The following CXADR variants were observed in gnomAD, a reference collection of about 807,000 sequenced individuals.
The protein encoded by CXADR is CXADR cell adhesion molecule.
A neutral mutation model predicts 40.3 loss-of-function variants in CXADR; 20 were observed. That is an observed-to-expected ratio of 0.50 (90% confidence interval 0.35 to 0.72). CXADR has a LOEUF of 0.72. CXADR is among the 30% of genes least tolerant of loss of function. The probability of loss-of-function intolerance (pLI) is 0.01; values close to 1 mark genes in which losing one functional copy is unlikely to be tolerated. For missense variants in CXADR, 332 were observed against 449.1 expected (o/e 0.74, Z 2.36); for synonymous variants, 150 against 161.3 (o/e 0.93, Z 0.53).
At position 17,563,381 on chromosome 21, in the gene CXADR, C is replaced by G. The variant is rs193044346; in HGVS notation, c.833+1905C>G. On this transcript the variant is annotated intron_variant, in intron 6 of 6. Coordinates refer to ENST00000284878, the MANE Select transcript of CXADR (RefSeq NM_001338.5). ...TTATTAAGTGGCCTAATTTCAATAT[C>G]ATTGTGTCTCAGGGAATAGGGAGGC... Among the ~76,000 whole-genome samples the G allele has an allele frequency of 3.4e-4, 51 of 151,302 alleles. No homozygotes were observed. The East Asian group carries it at 6.1e-3, about 18-fold the overall frequency.
the CXADR span, among the ~76,000 whole-genome samples, chr21:17,606,576 C>T: frequency 1.3e-5 from 2 of 152,132 alleles, no homozygotes; most frequent in East Asian, 3.9e-4. Flanking sequence ...TTCTTATCTA[C>T]AATTAAGGTG....
At chr21:17,632,866 C>CA in the CXADR span, among the ~76,000 whole-genome samples, 1 of 151,580 alleles carries the variant, frequency 6.6e-6, no homozygotes, top group South Asian at 2.1e-4. Context: ...GACTCTGTTT[C>CA]AAAAAAATAA....
the CXADR span, among the ~76,000 whole-genome samples, chr21:17,625,359 T>A: frequency 6.6e-6 from 1 of 152,140 alleles, no homozygotes; most frequent in Non-Finnish European, 1.5e-5. Flanking sequence ...TCAAAATACA[T>A]AGAAAAGGAG....
chr21:17,622,720 T>C, the CXADR span, among the ~76,000 whole-genome samples: 5 of 152,326 alleles, frequency 3.3e-5, no homozygotes, highest in East Asian at 9.6e-4. Flanking sequence ...GACTCTATTT[T>C]GTTTTGTTTT....
chr21:17,559,140 G>C lies in CXADR; in HGVS notation c.571+9G>C. The C allele has an allele frequency of 6.2e-7, 1 of 1,613,478 alleles. No homozygotes were observed. ...CACTTCATGGTTAGCAGGTACTGCT[G>C]ATAATAGTATTTGTACCACATGCCA... On this transcript the variant is annotated intron_variant, in intron 4 of 6. Coordinates refer to ENST00000284878, the MANE Select transcript of CXADR (RefSeq NM_001338.5).
intron 3 of CXADR, among the ~76,000 whole-genome samples, chr21:17,555,784 CTA>C (rs973987206): frequency 6.6e-6 from 1 of 152,144 alleles, no homozygotes; most frequent in African/African-American, 2.4e-5. Context: ...TACTTCGAGA[CTA>C]TGCAGATATG....
chr21:17,568,554 G>A lies in CXADR; in HGVS notation c.*2862G>A, dbSNP rs1455439711. The A allele has an allele frequency of 5.4e-6, 5 of 924,894 alleles. No homozygotes were observed. Among genetic ancestry groups the A allele is most frequent in the Non-Finnish European group, 6.3e-6 (5 of 799,164 alleles). 57.3% of individuals were successfully genotyped at this position (924,894 alleles called of 1,614,324 possible). A position where few individuals can be genotyped will look rare whatever the true frequency, so the allele number is the denominator to read the frequency against. On this transcript the variant is annotated 3_prime_UTR_variant, in exon 7 of 7. Coordinates refer to ENST00000284878, the MANE Select transcript of CXADR (RefSeq NM_001338.5). Reference sequence around the variant, plus strand: ...ATGTTACTGTAGAATATATAGTTCTGTACTTTTTTTTTTTTTTTTTAAGAG... The same window carrying A: ...ATGTTACTGTAGAATATATAGTTCTATACTTTTTTTTTTTTTTTTTAAGAG...
intron 3 of CXADR, among the ~76,000 whole-genome samples, chr21:17,557,281 G>A (rs73894846): frequency 3.3e-5 from 5 of 152,150 alleles, no homozygotes; most frequent in East Asian, 1.9e-4. Context: ...AGTGTTGCCC[G>A]CAGACCCACA....
At chr21:17,570,733 T>C (rs759413951), downstream of CXADR, among the ~76,000 whole-genome samples, 25 of 152,188 alleles carry the variant, frequency 1.6e-4, no homozygotes, top group Non-Finnish European at 3.4e-4. Flanking sequence ...ATGAGAATTT[T>C]AGGGAGGCAC....
chr21:17,559,687 T>G (rs2061086763), intron 4 of CXADR, among the ~76,000 whole-genome samples: 1 of 147,956 alleles, frequency 6.8e-6, no homozygotes, highest in Admixed American at 6.7e-5. Flanking sequence ...TTTTTTTTTT[T>G]TTTTCCGAGA....
At chr21:17,577,612 CTTTTT>C (rs532541050) in intron 7 of CXADR, among the ~76,000 whole-genome samples, 958 of 36,536 alleles carry the variant, frequency 0.026, 15 homozygotes, top group African/African-American at 0.066. Context: ...ATTCTGCAAG[CTTTTT>C]TTTTTTTTTT....
downstream of CXADR, among the ~76,000 whole-genome samples, chr21:17,597,111 C>T (rs1444921559): frequency 6.6e-6 from 1 of 151,984 alleles, no homozygotes; most frequent in African/African-American, 2.4e-5. Flanking sequence ...AAATGTTTTC[C>T]TTAAAAAGCA....
At chr21:17,593,013 T>C in intron 7 of CXADR, 1 of 665,160 alleles carries the variant, frequency 1.5e-6, no homozygotes, top group Non-Finnish European at 2.2e-6. Flanking sequence ...GTGATTTTTC[T>C]GGTAAGTCAA....
the CXADR span, among the ~76,000 whole-genome samples, chr21:17,627,412 T>C: frequency 2.0e-4 from 30 of 152,196 alleles, no homozygotes; most frequent in Admixed American, 1.4e-3. Context: ...TGGGTTGTCA[T>C]TAACCAACAA....
chr21:17,563,415 G>A (rs894919860), intron 6 of CXADR, among the ~76,000 whole-genome samples: 16 of 152,048 alleles, frequency 1.1e-4, no homozygotes, highest in Non-Finnish European at 2.4e-4. Flanking sequence ...GCCTGAGGGA[G>A]GGGTGAGAGA....
At chr21:17,532,231 T>C (rs935430287) in intron 1 of CXADR, among the ~76,000 whole-genome samples, 5 of 152,174 alleles carry the variant, frequency 3.3e-5, no homozygotes, top group African/African-American at 9.6e-5. Context: ...CAGGTCCTTA[T>C]TGACAGTTTT....
chr21:17,593,336 A>G, exon 8 of CXADR: 1 of 720,828 alleles, frequency 1.4e-6, no homozygotes, highest in South Asian at 7.2e-5. Flanking sequence ...ATGCAATGGC[A>G]TTAGACATGT....
chr21:17,524,888 G>A lies in CXADR; in HGVS notation c.43+11716G>A, dbSNP rs1306054290. Among the ~76,000 whole-genome samples the A allele has an allele frequency of 2.0e-5, 3 of 152,186 alleles. No individual in the cohort carries two copies. The South Asian group carries it at 6.2e-4, about 32-fold the overall frequency. On this transcript the variant is annotated intron_variant, in intron 1 of 6. Coordinates refer to ENST00000284878, the MANE Select transcript of CXADR (RefSeq NM_001338.5). Reference sequence around the variant, plus strand: ...TGCACCACCGCACTCCAGCCTGGGCGACAGAGTGAAACCCTGTGTCCAAAA... The same window carrying A: ...TGCACCACCGCACTCCAGCCTGGGCAACAGAGTGAAACCCTGTGTCCAAAA...
the CXADR span, among the ~76,000 whole-genome samples, chr21:17,631,128 T>C: frequency 6.6e-6 from 1 of 152,226 alleles, no homozygotes; most frequent in African/African-American, 2.4e-5. Context: ...TTGAACCTAC[T>C]AAATAGTTTG....
Sources: gnomAD v4.1 joint callset for allele counts (sites outside exome capture counted in the v4.1 genomes callset) on GRCh38, gnomAD v4.1.1 for gene constraint, MANE v1.5 for transcripts, NCBI Gene and HGNC (gene_info 2026-07-23, HGNC 2026-07-21) for gene names.